ACACA: variants seen among roughly 807,000 people sequenced by gnomAD.
ACACA encodes acetyl-CoA carboxylase 1.
A neutral mutation model predicts 296.1 loss-of-function variants in ACACA; 103 were observed. The observed-to-expected ratio is 0.35, with a 90% CI of 0.30 to 0.41. ACACA has a LOEUF of 0.41. Among genes scored for constraint, ACACA ranks in the 10% least tolerant of loss-of-function variants. The pLI, the probability that ACACA is intolerant of heterozygous loss-of-function variation, is 1.00. For missense variants in ACACA, 1,554 were observed against 2,989.7 expected (o/e 0.52, Z 11.20); for synonymous variants, 953 against 1,038.6 (o/e 0.92, Z 1.58).
At chr17:37,329,513 C>T (rs1210583961) in intron 3 of ACACA, among the ~76,000 whole-genome samples, 1 of 151,874 alleles carries the variant, frequency 6.6e-6, no homozygotes, top group Admixed American at 6.6e-5. Context: ...CAAGGGCATG[C>T]ACTTGTAGTC....
chr17:37,089,313 A>G (rs571312984), intron 54 of ACACA, among the ~76,000 whole-genome samples: 11 of 152,324 alleles, frequency 7.2e-5, no homozygotes, highest in African/African-American at 2.6e-4. Context: ...GGCTCTCCCG[A>G]GCACTCTGGT....
At position 37,237,803 on chromosome 17, in the gene ACACA, G is replaced by A. The variant is rs567179089; in HGVS notation, c.3121+2673C>T. Among the ~76,000 whole-genome samples, 9 of 151,866 alleles carry A rather than the reference G, an allele frequency of 5.9e-5. No homozygotes were observed. In the East Asian group the frequency reaches 1.4e-3, roughly 23 times the overall value. ...GGAGACTGTGTCCTGCTCTGTCAAC[G>A]GGGCTGGAGTGCAGTGATGCAATCA... On this transcript the variant is annotated intron_variant, in intron 24 of 55. Coordinates refer to ENST00000616317, the MANE Select transcript of ACACA (RefSeq NM_198834.3).
chr17:37,180,336 A>G (rs921203723), intron 40 of ACACA, among the ~76,000 whole-genome samples: 3 of 152,210 alleles, frequency 2.0e-5, no homozygotes, highest in Non-Finnish European at 4.4e-5. Context: ...AAATGGTTGC[A>G]TAAAGGTAAT....
chr17:37,197,667 A>G (rs1280727515), intron 35 of ACACA, among the ~76,000 whole-genome samples: 1 of 152,186 alleles, frequency 6.6e-6, no homozygotes, highest in Non-Finnish European at 1.5e-5. Context: ...AGTGACCCCC[A>G]GATTTGTACA....
chr17:37,270,599 A>G, intron 10 of ACACA, 152 bp downstream of exon 10: 1 of 650,834 alleles, frequency 1.5e-6, no homozygotes, highest in Non-Finnish European at 2.7e-6. Context: ...TTCTCTGCTA[A>G]TATGCAGGTA....
chr17:37,393,947 G>A (rs2050986099), intron 1 of ACACA, among the ~76,000 whole-genome samples: 2 of 152,140 alleles, frequency 1.3e-5, no homozygotes, highest in South Asian at 4.1e-4. Flanking sequence ...CCCCTCTGAG[G>A]ATTTTCTGAC....
intron 9 of ACACA, among the ~76,000 whole-genome samples, chr17:37,271,324 T>C (rs1294744533): frequency 6.6e-6 from 1 of 152,130 alleles, no homozygotes; most frequent in Admixed American, 6.5e-5. Context: ...AAGACCAGCC[T>C]GACCAACATG....
intron 47 of ACACA, among the ~76,000 whole-genome samples, chr17:37,127,174 T>C (rs76415783): frequency 0.012 from 1,830 of 152,300 alleles, 44 homozygotes; most frequent in African/African-American, 0.04. Flanking sequence ...TACACACACA[T>C]ACTTCTGTTC....
At chr17:37,135,752 T>G (rs1449998837) in intron 45 of ACACA, among the ~76,000 whole-genome samples, 1 of 151,942 alleles carries the variant, frequency 6.6e-6, no homozygotes, top group East Asian at 1.9e-4. Context: ...ATGTAAAAGA[T>G]AGAGAGGAGC....
intron 3 of ACACA, chr17:37,289,453 A>C: frequency 7.4e-7 from 1 of 1,351,924 alleles, no homozygotes; most frequent in East Asian, 4.5e-5. Flanking sequence ...GGCACAATCA[A>C]ACATTTCTTC....
At chr17:37,194,933 A>ACCCCCCCCC (rs111271581) in intron 35 of ACACA, among the ~76,000 whole-genome samples, 3 of 150,450 alleles carry the variant, frequency 2.0e-5, no homozygotes, top group African/African-American at 7.4e-5. Context: ...ATTCTCTGAC[A>ACCCCCCCCC]CCCCCCCCAC....
chr17:37,213,734 G>A (rs1454160247), intron 29 of ACACA, among the ~76,000 whole-genome samples: 1 of 152,126 alleles, frequency 6.6e-6, no homozygotes, highest in Non-Finnish European at 1.5e-5. Context: ...CCGGCACTAA[G>A]TCACCTCTGA....
chr17:37,127,798 C>G (rs1465754850), intron 47 of ACACA, among the ~76,000 whole-genome samples: 1 of 147,374 alleles, frequency 6.8e-6, no homozygotes. Flanking sequence ...GAGCCGAGAT[C>G]GCGCCACTGC....
Position 37,263,891 on chromosome 17 carries a change from G to A in ACACA, c.1123C>T (p.Gln375Ter). 1 of 1,613,018 alleles carries A rather than the reference G, an allele frequency of 6.2e-7. No individual in the cohort carries two copies. The highest frequency in any genetic ancestry group is 8.5e-7 in the Non-Finnish European group (1 of 1,179,496). ...ATGGGAGATCCAGGAACTTCAGCTTGAACCTGTATTAGAAAAGGGGGAAAA... is the reference window on the plus strand; with the variant it reads ...ATGGGAGATCCAGGAACTTCAGCTTAAACCTGTATTAGAAAAGGGGGAAAA... ...DDFPNLFRQV[Q>*]AEVPGSPIFV... The change falls in exon 11 of 56, where the codon CAA becomes TAA. Residue 375 changes from glutamine to a stop codon, truncating the protein, a stop_gained. Coordinates refer to ENST00000616317, the MANE Select transcript of ACACA (RefSeq NM_198834.3). LOFTEE classifies it high-confidence loss of function.
intron 10 of ACACA, among the ~76,000 whole-genome samples, chr17:37,267,325 T>C (rs2081831186): frequency 6.6e-6 from 1 of 152,188 alleles, no homozygotes; most frequent in African/African-American, 2.4e-5. Flanking sequence ...CTGCTGACTG[T>C]CCTAGTAGGA....
At chr17:37,216,587 A>G (rs956238147) in intron 29 of ACACA, among the ~76,000 whole-genome samples, 5 of 152,124 alleles carry the variant, frequency 3.3e-5, no homozygotes, top group African/African-American at 1.2e-4. Context: ...ACCAAAAAAC[A>G]GAGTAACCGC....
chr17:37,179,663 C>G (rs927798873), intron 40 of ACACA, among the ~76,000 whole-genome samples: 1 of 152,090 alleles, frequency 6.6e-6, no homozygotes, highest in African/African-American at 2.4e-5. Flanking sequence ...CATTAACAAA[C>G]AGGAAAGACC....
At chr17:37,340,260 G>A (rs1360292419) in intron 1 of ACACA, among the ~76,000 whole-genome samples, 3 of 152,210 alleles carry the variant, frequency 2.0e-5, no homozygotes, top group Admixed American at 2.0e-4. Context: ...TACACACAAA[G>A]ATTGGGAGCC....
chr17:37,154,132 C>T (rs1024879382), intron 43 of ACACA, among the ~76,000 whole-genome samples: 8 of 151,948 alleles, frequency 5.3e-5, no homozygotes, highest in Non-Finnish European at 8.8e-5. Flanking sequence ...CCTAGCAAGA[C>T]TCTATCTCTA....
Sources: allele counts gnomAD v4.1 joint callset (sites outside exome capture counted in the v4.1 genomes callset), GRCh38; gene constraint gnomAD v4.1.1; transcripts MANE v1.5; gene names NCBI Gene and HGNC (gene_info 2026-07-23, HGNC 2026-07-21).